The following HSD11B1 variants were observed in gnomAD, a reference collection of about 807,000 sequenced individuals.
HSD11B1 encodes the protein 11-beta-hydroxysteroid dehydrogenase 1.
Under a neutral mutation model 22.1 loss-of-function variants are expected in HSD11B1, and 15 were observed. The ratio of observed to expected loss-of-function variants is 0.68; its 90% confidence interval spans 0.45 to 1.04. The LOEUF (loss-of-function observed/expected upper bound fraction) is 1.04, where lower values mean the gene tolerates loss of function less well. HSD11B1 is among the 50% of genes least tolerant of loss of function. The pLI is 0.00. For missense variants in HSD11B1, 281 were observed against 357.6 expected (o/e 0.79, Z 1.73); for synonymous variants, 122 against 125.2 (o/e 0.97, Z 0.17).
rs2076862593 is a variant in HSD11B1, at chr1:209,706,826, G to A, written c.331+6G>A. On this transcript the variant is annotated splice_donor_region_variant and intron_variant, in intron 3 of 5. Transcript: ENST00000367027. The surrounding 1 kb of genome is among the most constrained non-coding windows in gnomAD (Gnocchi z 4.0). The stretch of plus-strand genomic sequence containing the variant: ...CCAAGCAGGAAAGCTCATGGGTGAG[G>A]CTGTTTCTCTTACCTCCTCCTCTGA... 2 of 1,612,890 alleles carry A rather than the reference G, an allele frequency of 1.2e-6. No homozygotes were observed. Among genetic ancestry groups the A allele is most frequent in the Non-Finnish European group, 1.7e-6 (2 of 1,178,882 alleles).
At chr1:209,712,180 T>A (rs76824909) in intron 4 of HSD11B1, among the ~76,000 whole-genome samples, 2 of 152,162 alleles carry the variant, frequency 1.3e-5, no homozygotes, top group African/African-American at 4.8e-5. Flanking sequence ...AGAATATAAA[T>A]GTGCCCAAAT....
rs143066154 is a variant in HSD11B1, at chr1:209,717,271, T to C, written c.517+10143T>C. Among the ~76,000 whole-genome samples the C allele has an allele frequency of 4.7e-3, 716 of 152,132 alleles. 3 individuals are homozygous for C. Among genetic ancestry groups the C allele is most frequent in the African/African-American group, 0.016 (653 of 41,522 alleles). ...AACAGACATCTCTCAAAAAAAGACA[T>C]AGAACATATAAATGGTTAACAAGTA... On this transcript the variant is annotated intron_variant, in intron 4 of 5. Transcript: ENST00000367027.
chr1:209,704,014 G>A (rs769745444), upstream of HSD11B1, among the ~76,000 whole-genome samples: 1 of 152,042 alleles, frequency 6.6e-6, no homozygotes, highest in Non-Finnish European at 1.5e-5. Flanking sequence ...ACTGTTACTA[G>A]ATCTATTTTT....
intron 1 of HSD11B1, among the ~76,000 whole-genome samples, chr1:209,688,694 A>G (rs999088821): frequency 2.0e-5 from 3 of 152,226 alleles, no homozygotes; most frequent in African/African-American, 7.2e-5. Flanking sequence ...TTCAAGCCTG[A>G]CAAGCCACTC....
chr1:209,695,014 T>G (rs1571865154), intron 1 of HSD11B1, among the ~76,000 whole-genome samples: 1 of 152,192 alleles, frequency 6.6e-6, no homozygotes, highest in Non-Finnish European at 1.5e-5. Context: ...GACTGGATTA[T>G]GGGGGTTCCC....
intron 4 of HSD11B1, among the ~76,000 whole-genome samples, chr1:209,724,845 CTT>C (rs2076990703): frequency 6.6e-6 from 1 of 152,144 alleles, no homozygotes; most frequent in Non-Finnish European, 1.5e-5. Flanking sequence ...ATTTTTCTCT[CTT>C]CTCTTCATTT....
Position 209,706,676 on chromosome 1 carries a change from A to C in HSD11B1, c.220-33A>C. ...GACTACCCCCCAAAAATCTGCAGCT[A>C]AGACTGATGCCATTTCTGCTGTATC... On this transcript the variant is annotated intron_variant, in intron 2 of 5. Transcript: ENST00000367027. The surrounding 1 kb of genome is among the most constrained non-coding windows in gnomAD (Gnocchi z 4.0). 6.7e-7 allele frequency: 1 copy of C among 1,497,064 alleles called. No individual in the cohort carries two copies. Among genetic ancestry groups the C allele is most frequent in the Non-Finnish European group, 9.3e-7 (1 of 1,074,872 alleles). 92.7% of individuals were successfully genotyped at this position (1,497,064 alleles called of 1,614,324 possible).
At position 209,734,399 on chromosome 1, in the gene HSD11B1, CAAG is replaced by C. The variant is rs1432464168; in HGVS notation, c.764_766del (p.Glu255del). The C allele has an allele frequency of 1.9e-6, 3 of 1,613,936 alleles. No individual in the cohort carries two copies. The highest frequency in any genetic ancestry group is 2.7e-5 in the African/African-American group (2 of 74,896). ...GATCATCAAAGGGGGAGCTCTGCGC[CAAG>C]AAGAAGTGTATTATGACAGCTCACT... is the stretch of plus-strand genomic sequence containing the variant. On this transcript the variant is annotated inframe_deletion, in exon 6 of 6. Coordinates refer to ENST00000367027, the MANE Select transcript of HSD11B1 (RefSeq NM_005525.4).
At position 209,719,556 on chromosome 1, in the gene HSD11B1, G is replaced by A. The variant is rs532863781; in HGVS notation, c.517+12428G>A. On this transcript the variant is annotated intron_variant, in intron 4 of 5. Transcript: ENST00000367027. ...TGTACTGAATGCCCCCGAACTGTCC[G>A]CTTAAAAATGGTTAAGATAGGCCCC... Among the ~76,000 whole-genome samples the A allele has an allele frequency of 7.9e-5, 12 of 152,250 alleles. 1 individual carries two copies. The South Asian group carries it at 1.7e-3, about 21-fold the overall frequency.
intron 1 of HSD11B1, among the ~76,000 whole-genome samples, chr1:209,694,478 G>T (rs989829728): frequency 6.6e-6 from 1 of 152,244 alleles, no homozygotes; most frequent in African/African-American, 2.4e-5. Flanking sequence ...ATTCCCTGAA[G>T]GTGTGACTTT....
intron 4 of HSD11B1, among the ~76,000 whole-genome samples, chr1:209,713,170 T>A (rs2076909126): frequency 6.6e-6 from 1 of 152,212 alleles, no homozygotes; most frequent in African/African-American, 2.4e-5. Flanking sequence ...TTTTTTAAAT[T>A]GCAAAACATT....
intron 4 of HSD11B1, among the ~76,000 whole-genome samples, chr1:209,709,811 C>G (rs1233858396): frequency 6.6e-6 from 1 of 152,170 alleles, no homozygotes; most frequent in Non-Finnish European, 1.5e-5. Context: ...AACTAAAAAT[C>G]AGAAGTTCTA....
chr1:209,703,850 G>C (rs1558189297), upstream of HSD11B1, among the ~76,000 whole-genome samples: 1 of 152,148 alleles, frequency 6.6e-6, no homozygotes, highest in African/African-American at 2.4e-5. Context: ...TTGGTTTTGA[G>C]TTGAAAAACT....
rs2076861550 is a variant in HSD11B1 at position 209,706,744 on chromosome 1, A to G, written c.255A>G (p.Ser85=). The part of the protein sequence containing the change: ...VSHCLELGAA[S]AHYIAGTMED... Reference sequence around the variant, plus strand: ...ACTGCCTGGAGCTTGGAGCAGCCTCAGCACACTACATTGCTGGCACCATGG... The same window carrying G: ...ACTGCCTGGAGCTTGGAGCAGCCTCGGCACACTACATTGCTGGCACCATGG... Residue 85 remains serine, a synonymous_variant, in exon 3 of 6, where the codon TCA becomes TCG. Transcript: ENST00000367027. This position sits in a 1 kb window ranked among gnomAD's most constrained non-coding sequence, Gnocchi z 4.0. 12 of 1,613,898 alleles carry G rather than the reference A, an allele frequency of 7.4e-6. No individual in the cohort carries two copies. The highest frequency in any genetic ancestry group is 2.7e-5 in the African/African-American group (2 of 74,904).
chr1:209,700,040 G>A (rs1007680919), upstream of HSD11B1, among the ~76,000 whole-genome samples: 1 of 152,216 alleles, frequency 6.6e-6, no homozygotes, highest in African/African-American at 2.4e-5. Context: ...TCATGGGCTG[G>A]TATTGAGTGT....
chr1:209,725,615 C>T (rs2076995876), intron 4 of HSD11B1, among the ~76,000 whole-genome samples: 1 of 152,194 alleles, frequency 6.6e-6, no homozygotes, highest in African/African-American at 2.4e-5. Flanking sequence ...AAGACCTCTC[C>T]CCATTTCTTT....
chr1:209,723,241 A>C (rs1363716208), intron 4 of HSD11B1, among the ~76,000 whole-genome samples: 1 of 152,170 alleles, frequency 6.6e-6, no homozygotes, highest in African/African-American at 2.4e-5. Context: ...CCACCCTCCC[A>C]CATAAGCCAA....
At chr1:209,688,838 A>G (rs1378475631) in intron 1 of HSD11B1, among the ~76,000 whole-genome samples, 2 of 152,222 alleles carry the variant, frequency 1.3e-5, no homozygotes. Context: ...GGAACATGGG[A>G]ACAACAGAGA....
intron 1 of HSD11B1, among the ~76,000 whole-genome samples, chr1:209,696,949 G>A (rs2076794749): frequency 1.3e-5 from 2 of 152,252 alleles, no homozygotes; most frequent in African/African-American, 4.8e-5. Flanking sequence ...AGAGCTGAAA[G>A]AGTGCAGAAG....
Sources: allele counts gnomAD v4.1 joint callset (sites outside exome capture counted in the v4.1 genomes callset), GRCh38; gene constraint gnomAD v4.1.1; non-coding constraint Gnocchi (gnomAD v3.1); transcripts MANE v1.5; gene names NCBI Gene and HGNC (gene_info 2026-07-23, HGNC 2026-07-21).